The following COG7 variants were observed in gnomAD, a reference collection of about 807,000 sequenced individuals.
COG7 encodes component of oligomeric golgi complex 7, also known as conserved oligomeric Golgi complex subunit 7.
COG7 carries 49 observed loss-of-function variants against 91.5 expected under a neutral mutation model. That is an observed-to-expected ratio of 0.54 (90% CI 0.43 to 0.68). COG7 has a LOEUF of 0.68. COG7 is among the 30% of genes least tolerant of loss of function. The pLI is 0.00. For missense variants in COG7, 895 were observed against 961.3 expected (o/e 0.93, Z 0.91); for synonymous variants, 365 against 388.7 (o/e 0.94, Z 0.72).
At chr16:23,412,839 C>G (rs1263137906) in intron 10 of COG7, 1 of 154,100 alleles carries the variant, frequency 6.5e-6, no homozygotes, top group African/African-American at 2.4e-5. Flanking sequence ...GCATACACCA[C>G]CACACCCAGC....
chr16:23,398,783 G>A (rs1468309429), intron 13 of COG7, among the ~76,000 whole-genome samples: 2 of 152,190 alleles, frequency 1.3e-5, no homozygotes, highest in Non-Finnish European at 2.9e-5. Flanking sequence ...CCCAACAGCT[G>A]CCCCTCTGGC....
intron 1 of COG7, among the ~76,000 whole-genome samples, chr16:23,448,812 T>G (rs1462833667): frequency 6.6e-6 from 1 of 152,168 alleles, no homozygotes; most frequent in Non-Finnish European, 1.5e-5. Flanking sequence ...GCCGAGCAAG[T>G]TACTTAACTT....
chr16:23,452,812 C>A lies in COG7; in HGVS notation c.169+14G>T, dbSNP rs779733064. 1 of 1,607,580 alleles carries A rather than the reference C, an allele frequency of 6.2e-7. No homozygotes were observed. The highest frequency in any genetic ancestry group is 2.2e-5 in the East Asian group (1 of 44,496). On this transcript the variant is annotated intron_variant, in intron 1 of 16. Transcript: ENST00000307149. Reference sequence around the variant, plus strand: ...CAGGGGAGGGTCCCGCGGCCAGGGCCCCGAGCGGCTCACCCTCCACGGCGT... The same window carrying A: ...CAGGGGAGGGTCCCGCGGCCAGGGCACCGAGCGGCTCACCCTCCACGGCGT...
At position 23,424,807 on chromosome 16, in the gene COG7, G is replaced by A; in HGVS notation, c.951C>T (p.Phe317=). The change falls in exon 7 of 17, where the codon TTC becomes TTT. Residue 317 remains phenylalanine, a synonymous_variant. Transcript: ENST00000307149. ...PEQELTRLLE[F]YDATAHFAKG... ...TGGCGAAGTGGGCGGTGGCGTCGTAGAACTCCAGCAGCCTGGTGAGCTCCT... is the reference window on the plus strand; with the variant it reads ...TGGCGAAGTGGGCGGTGGCGTCGTAAAACTCCAGCAGCCTGGTGAGCTCCT... 1 of 1,614,220 alleles carries A rather than the reference G, an allele frequency of 6.2e-7. No homozygotes were observed. Among genetic ancestry groups the A allele is most frequent in the African/African-American group, 1.3e-5 (1 of 75,052 alleles).
chr16:23,418,560 T>C (rs962052310), intron 8 of COG7, 140 bp downstream of exon 8: 18 of 716,332 alleles, frequency 2.5e-5, no homozygotes, highest in South Asian at 6.0e-5. Context: ...TCATTTTACA[T>C]TGGGATTACA....
intron 1 of COG7, chr16:23,446,782 C>T (rs886816287): frequency 6.6e-6 from 1 of 152,234 alleles, no homozygotes. Context: ...GACAGGGTCT[C>T]ACTCGGTTGC....
chr16:23,400,061 G>A (rs183541103), intron 13 of COG7, among the ~76,000 whole-genome samples: 35 of 152,274 alleles, frequency 2.3e-4, no homozygotes, highest in Middle Eastern at 3.4e-3. Context: ...ATGGCTAGGA[G>A]TGGATCATGG....
chr16:23,410,251 T>C (rs765319095), intron 11 of COG7, 44 bp downstream of exon 11: 1 of 1,556,402 alleles, frequency 6.4e-7, no homozygotes, highest in Admixed American at 1.7e-5. Context: ...CTCGTGCTGA[T>C]CAGGAACCCC....
intron 2 of COG7, among the ~76,000 whole-genome samples, chr16:23,445,530 G>A (rs1295797335): frequency 6.6e-6 from 1 of 152,146 alleles, no homozygotes. Context: ...TTGCACGTCT[G>A]TGATCCCAGC....
intron 14 of COG7, among the ~76,000 whole-genome samples, chr16:23,397,093 G>A (rs1458004348): frequency 2.0e-5 from 3 of 152,078 alleles, no homozygotes; most frequent in Non-Finnish European, 4.4e-5. Context: ...CTTTTTTGTA[G>A]AGGCGGGGTC....
intron 16 of COG7, among the ~76,000 whole-genome samples, chr16:23,390,495 C>T (rs1293213836): frequency 1.3e-5 from 2 of 151,148 alleles, no homozygotes; most frequent in East Asian, 2.0e-4. Flanking sequence ...TGAGCCACCG[C>T]GCTCAGTGCC....
In COG7 at chr16:23,413,915, G is replaced by A. The variant is rs1048727015; in HGVS notation, c.1293-351C>T. ...TCTGTGAAAGCAGGTTTGAAGAACT[G>A]TTTAAACATCACGGTCCCATGGTAA... is the stretch of plus-strand genomic sequence containing the variant. On this transcript the variant is annotated intron_variant, in intron 9 of 16. Coordinates refer to ENST00000307149, the MANE Select transcript of COG7 (RefSeq NM_153603.4). The A allele has an allele frequency of 3.7e-5, 10 of 272,368 alleles. 1 individual carries two copies. Among genetic ancestry groups the A allele is most frequent in the Middle Eastern group, 1.4e-3 (1 of 736 alleles). The allele number at this position is 272,368 out of a possible 1,614,324, so 16.9% of individuals were successfully genotyped here. A position where few individuals can be genotyped will look rare whatever the true frequency, so the allele number is the denominator to read the frequency against.
chr16:23,431,800 C>T (rs1963938405), intron 6 of COG7, among the ~76,000 whole-genome samples: 1 of 136,614 alleles, frequency 7.3e-6, no homozygotes, highest in Admixed American at 7.8e-5. Flanking sequence ...CAGAGCAAGA[C>T]TCTGTCTGAA....
At chr16:23,415,554 G>C (rs1213757011) in intron 9 of COG7, 1 of 152,122 alleles carries the variant, frequency 6.6e-6, no homozygotes, top group Non-Finnish European at 1.5e-5. Context: ...CGTGTTAGGG[G>C]CTTTAATGAT....
chr16:23,442,714 A>T, intron 3 of COG7, 69 bp from the exon 4 acceptor site: 2 of 1,375,370 alleles, frequency 1.5e-6, no homozygotes, highest in Non-Finnish European at 2.1e-6. Flanking sequence ...GAATAGATAA[A>T]ATACATGAAA....
intron 7 of COG7, among the ~76,000 whole-genome samples, chr16:23,424,264 TCCAGCC>T (rs1206319737): frequency 8.2e-6 from 1 of 122,582 alleles, no homozygotes; most frequent in Admixed American, 1.1e-4. Context: ...ACCATTGCAC[TCCAGCC>T]TGGGCAACAA....
rs557068613 is a variant in COG7, at chr16:23,428,836, C to T, written c.811-3889G>A. Among the ~76,000 whole-genome samples the T allele has an allele frequency of 7.9e-5, 12 of 152,016 alleles. 1 individual carries two copies. Among genetic ancestry groups the T allele is most frequent in the African/African-American group, 2.9e-4 (12 of 41,508 alleles). The stretch of plus-strand genomic sequence containing the variant: ...CCTCCCGAGTAGCTGGGATTACAGG[C>T]ATCTGCCACCATGGCCGGCTAATTT... On this transcript the variant is annotated intron_variant, in intron 6 of 16. Coordinates refer to ENST00000307149, the MANE Select transcript of COG7 (RefSeq NM_153603.4).
At chr16:23,407,962 G>A (rs1963490183) in intron 11 of COG7, among the ~76,000 whole-genome samples, 1 of 150,258 alleles carries the variant, frequency 6.7e-6, no homozygotes, top group Non-Finnish European at 1.5e-5. Context: ...GGCACATGCT[G>A]GATGCTCCCA....
intron 11 of COG7, among the ~76,000 whole-genome samples, chr16:23,408,120 T>C (rs1198352612): frequency 8.1e-4 from 38 of 46,920 alleles, no homozygotes; most frequent in African/African-American, 3.2e-3. Flanking sequence ...GGGCGAGAGA[T>C]AGGGGCGAGT....
Sources: gnomAD v4.1 joint callset for allele counts (sites outside exome capture counted in the v4.1 genomes callset) on GRCh38, gnomAD v4.1.1 for gene constraint, MANE v1.5 for transcripts, NCBI Gene and HGNC (gene_info 2026-07-23, HGNC 2026-07-21) for gene names.